UBASH3B: variants seen among roughly 807,000 people sequenced by gnomAD.
UBASH3B encodes ubiquitin-associated and SH3 domain-containing protein B.
A neutral mutation model predicts 83.4 loss-of-function variants in UBASH3B; 37 were observed. The ratio of observed to expected loss-of-function variants is 0.44; its 90% confidence interval spans 0.34 to 0.58. The LOEUF is 0.58. Ranked by LOEUF, UBASH3B falls within the 20% of genes least tolerant of loss-of-function variation. The pLI is 0.01. For missense variants in UBASH3B, 657 were observed against 827.2 expected, an observed-to-expected ratio of 0.79 and a Z score of 2.52; for synonymous variants, 304 against 318.3, an observed-to-expected ratio of 0.96 and a Z score of 0.48.
intron 1 of UBASH3B, among the ~76,000 whole-genome samples, chr11:122,683,992 T>C (rs1159903742): frequency 6.6e-6 from 1 of 152,218 alleles, no homozygotes; most frequent in Non-Finnish European, 1.5e-5. Context: ...AGTTGATAGT[T>C]AAGTCAAGAG....
chr11:122,753,497 CTTTTTT>C (rs200062623), intron 1 of UBASH3B, among the ~76,000 whole-genome samples: 1 of 115,720 alleles, frequency 8.6e-6, no homozygotes. Context: ...TTTTTTCTTT[CTTTTTT>C]TTTTTTTTTT....
At chr11:122,717,914 T>C (rs1421783108) in intron 1 of UBASH3B, among the ~76,000 whole-genome samples, 2 of 151,338 alleles carry the variant, frequency 1.3e-5, no homozygotes, top group Non-Finnish European at 1.5e-5. Context: ...TTCTTTCTTT[T>C]TTTTTTTTTC....
intron 1 of UBASH3B, among the ~76,000 whole-genome samples, chr11:122,771,233 T>C (rs1860636441): frequency 2.0e-4 from 2 of 10,040 alleles, no homozygotes; most frequent in Admixed American, 3.7e-3. Flanking sequence ...CTTACTTTGC[T>C]TTTTTTTTTT....
At chr11:122,685,953 A>T (rs986880063) in intron 1 of UBASH3B, among the ~76,000 whole-genome samples, 2 of 152,148 alleles carry the variant, frequency 1.3e-5, no homozygotes, top group Non-Finnish European at 2.9e-5. Flanking sequence ...TGAGGAGAAA[A>T]CTGAGGCTCT....
At chr11:122,736,420 C>CT (rs1860933172) in intron 1 of UBASH3B, among the ~76,000 whole-genome samples, 1 of 151,704 alleles carries the variant, frequency 6.6e-6, no homozygotes, top group South Asian at 2.1e-4. Flanking sequence ...GAGACCTGGC[C>CT]TTTTTCTCCA....
intron 1 of UBASH3B, among the ~76,000 whole-genome samples, chr11:122,658,697 T>C (rs1198811964): frequency 6.6e-6 from 1 of 152,200 alleles, no homozygotes; most frequent in East Asian, 1.9e-4. Flanking sequence ...AGCCCAGGCC[T>C]CACACCATCT....
At chr11:122,808,531 A>G (rs1462043703) in intron 13 of UBASH3B, among the ~76,000 whole-genome samples, 1 of 152,222 alleles carries the variant, frequency 6.6e-6, no homozygotes, top group African/African-American at 2.4e-5. Flanking sequence ...AGCATCTGAA[A>G]GCTTAACTCA....
intron 1 of UBASH3B, among the ~76,000 whole-genome samples, chr11:122,711,922 A>G (rs982140424): frequency 3.3e-5 from 5 of 152,138 alleles, no homozygotes; most frequent in African/African-American, 1.2e-4. Context: ...TCTCTACACA[A>G]TAATACCCAT....
chr11:122,671,728 G>A (rs1170552571), intron 1 of UBASH3B, among the ~76,000 whole-genome samples: 1 of 152,210 alleles, frequency 6.6e-6, no homozygotes, highest in Non-Finnish European at 1.5e-5. Context: ...CAGAGGAAGA[G>A]CGGTGGGACA....
chr11:122,799,025 A>G lies in UBASH3B; in HGVS notation c.1441A>G (p.Ile481Val). 6.2e-7 allele frequency: 1 copy of G among 1,613,938 alleles called. No individual in the cohort carries two copies. The highest frequency in any genetic ancestry group is 1.1e-5 in the South Asian group (1 of 91,068). Residue 481 changes from isoleucine (I) to valine (V), a missense_variant, in exon 10 of 14, where the codon ATC (isoleucine) becomes GTC (valine). This residue lies in a region of UBASH3B where 573 missense variants were observed against 739.0 expected (regional missense o/e 0.78). Coordinates refer to ENST00000284273, the MANE Select transcript of UBASH3B (RefSeq NM_032873.5). ...TCGCTGCGTTCAGACTGCACACAAT[A>G]TCTTGAAAGGTAAGACTTGCAGGTT... ...SLRCVQTAHN[I>V]LKGLQQENHL...
chr11:122,706,435 GA>G (rs1448507208), intron 1 of UBASH3B, among the ~76,000 whole-genome samples: 1 of 152,186 alleles, frequency 6.6e-6, no homozygotes, highest in Non-Finnish European at 1.5e-5. Flanking sequence ...CATCTGTGGG[GA>G]AATTCCTCCC....
At chr11:122,737,002 G>A (rs1190753593) in intron 1 of UBASH3B, among the ~76,000 whole-genome samples, 2 of 152,150 alleles carry the variant, frequency 1.3e-5, no homozygotes, top group Non-Finnish European at 2.9e-5. Flanking sequence ...GTAGGGAAGG[G>A]AAAGAATGTT....
rs1213146495 is a variant in UBASH3B at position 122,705,713 on chromosome 11, G to T, written c.161+49503G>T. ...GGGACCTTAAATCTCACCAACTCAT[G>T]GGGGCATCCACTGCCATCTACCACC... On this transcript the variant is annotated intron_variant, in intron 1 of 13. Coordinates refer to ENST00000284273, the MANE Select transcript of UBASH3B (RefSeq NM_032873.5). 2.0e-5 allele frequency among the ~76,000 whole-genome samples: 3 copies of T among 152,124 alleles called. No individual in the cohort carries two copies. The South Asian group carries it at 6.2e-4, about 32-fold the overall frequency.
chr11:122,750,971 A>G (rs904432238), intron 1 of UBASH3B, among the ~76,000 whole-genome samples: 3 of 152,330 alleles, frequency 2.0e-5, no homozygotes, highest in Admixed American at 1.3e-4. Flanking sequence ...TGCATTGAAC[A>G]CTGACAGTGG....
chr11:122,752,702 AG>A, intron 1 of UBASH3B, among the ~76,000 whole-genome samples: 1 of 152,206 alleles, frequency 6.6e-6, no homozygotes, highest in East Asian at 1.9e-4. Context: ...GATGGAATGA[AG>A]TATGATCCCA....
chr11:122,786,486 G>T (rs944310867), intron 5 of UBASH3B, among the ~76,000 whole-genome samples: 1 of 151,950 alleles, frequency 6.6e-6, no homozygotes, highest in Admixed American at 6.6e-5. Flanking sequence ...GTGAAACCTC[G>T]TCTCTACTAA....
Position 122,763,569 on chromosome 11 carries a change from A to T in UBASH3B, c.162-12650A>T, listed in dbSNP as rs1005522979. ...TTTCCCTTTCTCTGATTAGCTTTAT[A>T]AAAAAACCCAGAGCCTTTTTCTCCC... is the stretch of plus-strand genomic sequence containing the variant. On this transcript the variant is annotated intron_variant, in intron 1 of 13. Transcript: ENST00000284273. Among the ~76,000 whole-genome samples the T allele has an allele frequency of 1.2e-4, 18 of 152,188 alleles. No individual in the cohort carries two copies. The Middle Eastern group carries it at 0.01, about 88-fold the overall frequency.
At chr11:122,752,915 C>G (rs550292908) in intron 1 of UBASH3B, among the ~76,000 whole-genome samples, 1 of 151,950 alleles carries the variant, frequency 6.6e-6, no homozygotes, top group Non-Finnish European at 1.5e-5. Context: ...CTCATTTTAC[C>G]GACTGAAGAG....
At chr11:122,689,923 A>G (rs1863860495) in intron 1 of UBASH3B, among the ~76,000 whole-genome samples, 1 of 151,852 alleles carries the variant, frequency 6.6e-6, no homozygotes, top group Non-Finnish European at 1.5e-5. Context: ...TGGAGCTTCC[A>G]CGGCCTCCCC....
Sources: gnomAD v4.1 joint callset for allele counts (sites outside exome capture counted in the v4.1 genomes callset) on GRCh38, gnomAD v4.1.1 for gene constraint, gnomAD v4.1.1 regional missense constraint, MANE v1.5 for transcripts, NCBI Gene and HGNC (gene_info 2026-07-23, HGNC 2026-07-21) for gene names.